Variants in THAP4 observed in about 807,000 individuals in gnomAD.
THAP4 encodes peroxynitrite isomerase THAP4.
A neutral mutation model predicts 48.1 loss-of-function variants in THAP4; 18 were observed. The observed-to-expected ratio is 0.37, with a 90% confidence interval of 0.26 to 0.56. THAP4 has a LOEUF of 0.56. Among genes scored for constraint, THAP4 ranks in the 20% least tolerant of loss-of-function variants. THAP4 has a pLI of 0.78. For missense variants in THAP4, 656 were observed against 774.9 expected, an observed-to-expected ratio of 0.85 and a Z score of 1.82; for synonymous variants, 345 against 324.9, an observed-to-expected ratio of 1.06 and a Z score of -0.66.
At position 241,593,675 on chromosome 2, in the gene THAP4, C is replaced by T. The variant is rs990420030; in HGVS notation, c.1614+8221G>A. Among the ~76,000 whole-genome samples the T allele has an allele frequency of 3.3e-5, 5 of 152,260 alleles. No individual in the cohort carries two copies. In the East Asian group the frequency reaches 9.6e-4, roughly 29 times the overall value. On this transcript the variant is annotated intron_variant, in intron 5 of 5. Transcript: ENST00000407315. ...TTTGCTTGAAAATGTGTTTCAGAGG[C>T]AATTCAGTATTATTTCATGTATTTA... is the stretch of plus-strand genomic sequence containing the variant.
intron 2 of THAP4, among the ~76,000 whole-genome samples, chr2:241,627,996 C>T (rs2125096486): frequency 6.6e-6 from 1 of 152,256 alleles, no homozygotes; most frequent in South Asian, 2.1e-4. Flanking sequence ...CACTTCACGG[C>T]CAAACCTGGC....
In THAP4 at chr2:241,636,968, C is replaced by A; in HGVS notation, c.50G>T (p.Gly17Val). The change falls in exon 1 of 6, where the codon GGC (glycine) becomes GTC (valine). Residue 17 changes from glycine to valine, a missense_variant. By Grantham distance (109) the Gly-to-Val change is moderately radical. Coordinates refer to ENST00000407315, the MANE Select transcript of THAP4 (RefSeq NM_015963.6). ...AVNCSNRQGK[G>V]EKRAVSFHRF... ...GTGGAAGGAGACGGCGCGCTTCTCGCCCTTTCCCTGCCGGTTGGAGCAGTT... is the reference window on the plus strand; with the variant it reads ...GTGGAAGGAGACGGCGCGCTTCTCGACCTTTCCCTGCCGGTTGGAGCAGTT... 7.6e-7 allele frequency: 1 copy of A among 1,319,380 alleles called. No homozygotes were observed. Among genetic ancestry groups the A allele is most frequent in the Non-Finnish European group, 9.9e-7 (1 of 1,011,188 alleles). 81.7% of individuals were successfully genotyped at this position (1,319,380 alleles called of 1,614,324 possible). A position where few individuals can be genotyped will look rare whatever the true frequency, so the allele number is the denominator to read the frequency against.
intron 2 of THAP4, among the ~76,000 whole-genome samples, chr2:241,611,470 C>A (rs1055037472): frequency 6.6e-6 from 1 of 152,166 alleles, no homozygotes; most frequent in Non-Finnish European, 1.5e-5. Context: ...CGCCTATAAT[C>A]CCAGCACTTT....
At chr2:241,627,511 C>G (rs1395857453) in intron 2 of THAP4, among the ~76,000 whole-genome samples, 1 of 152,246 alleles carries the variant, frequency 6.6e-6, no homozygotes, top group African/African-American at 2.4e-5. Flanking sequence ...CGCCACCGGG[C>G]ACTGCCTCTG....
At position 241,636,950 on chromosome 2, in the gene THAP4, G is replaced by A; in HGVS notation, c.68C>T (p.Ser23Phe). ...RQGKGEKRAVSFHRFPLKDSK... is the reference protein window; with the variant it reads ...RQGKGEKRAVFFHRFPLKDSK... The stretch of plus-strand genomic sequence containing the variant: ...CCCGGGGCCCGCGTACCTGTGGAAG[G>A]AGACGGCGCGCTTCTCGCCCTTTCC... Residue 23 changes from serine (S) to phenylalanine (F), a missense_variant, in exon 1 of 6, where the codon TCC becomes TTC. Physicochemically the swap from Ser to Phe is radical, Grantham distance 155. Transcript: ENST00000407315. The A allele has an allele frequency of 7.7e-7, 1 of 1,299,264 alleles. No individual in the cohort carries two copies. Among genetic ancestry groups the A allele is most frequent in the Non-Finnish European group, 1.0e-6 (1 of 999,924 alleles). 80.5% of individuals were successfully genotyped at this position (1,299,264 alleles called of 1,614,324 possible).
intron 2 of THAP4, among the ~76,000 whole-genome samples, chr2:241,613,597 T>C (rs1032918846): frequency 1.7e-4 from 26 of 151,684 alleles, no homozygotes; most frequent in African/African-American, 6.3e-4. Flanking sequence ...CTACCAGAAC[T>C]ACAAAAAATT....
chr2:241,610,297 C>T lies in THAP4; in HGVS notation c.1241-3824G>A, dbSNP rs1377877662. ...CGGCCCCGCCCCGGAAGCGCAGCCC[C>T]GCCTCAGGCGCCGCATCTCCGCCCT... On this transcript the variant is annotated intron_variant, in intron 2 of 5. Coordinates refer to ENST00000407315, the MANE Select transcript of THAP4 (RefSeq NM_015963.6). This position sits in a 1 kb window ranked among gnomAD's most constrained non-coding sequence, Gnocchi z 4.2. Among the ~76,000 whole-genome samples, 4 of 152,128 alleles carry T rather than the reference C, an allele frequency of 2.6e-5. No individual in the cohort carries two copies. The highest frequency in any genetic ancestry group is 6.5e-5 in the Admixed American group (1 of 15,272).
At chr2:241,634,133 A>G in intron 1 of THAP4, 54 bp from the exon 2 acceptor site, 1 of 1,363,920 alleles carries the variant, frequency 7.3e-7, no homozygotes, top group South Asian at 1.5e-5. Flanking sequence ...CTCCCCTTAA[A>G]ATAATCAACT....
rs772229179 is a variant in THAP4, at chr2:241,612,877, GCTCA to G, written c.1241-6408_1241-6405del. Among the ~76,000 whole-genome samples the G allele has an allele frequency of 3.9e-5, 6 of 152,228 alleles. No homozygotes were observed. Among genetic ancestry groups the G allele is most frequent in the Non-Finnish European group, 7.3e-5 (5 of 68,044 alleles). ...TTCCAGATTGCAGGCGCGTGAGCTGGCTCACTGACACGTGCAGTGAGTGCGAGCT... is the reference window on the plus strand; with the variant it reads ...TTCCAGATTGCAGGCGCGTGAGCTGGCTGACACGTGCAGTGAGTGCGAGCT... On this transcript the variant is annotated intron_variant, in intron 2 of 5. Transcript: ENST00000407315. This position sits in a 1 kb window ranked among gnomAD's most constrained non-coding sequence, Gnocchi z 4.1.
chr2:241,625,811 A>G (rs1223630842), intron 2 of THAP4, among the ~76,000 whole-genome samples: 3 of 147,732 alleles, frequency 2.0e-5, no homozygotes, highest in African/African-American at 5.1e-5. Flanking sequence ...AAAAAAAAAA[A>G]AAAAAAAAAA....
intron 2 of THAP4, among the ~76,000 whole-genome samples, chr2:241,608,201 C>T (rs1440430897): frequency 6.6e-6 from 1 of 152,154 alleles, no homozygotes; most frequent in Non-Finnish European, 1.5e-5. Flanking sequence ...AGGAGGGCCG[C>T]ACATGTGGCC....
intron 1 of THAP4, among the ~76,000 whole-genome samples, chr2:241,634,982 C>G (rs1384989596): frequency 6.6e-6 from 1 of 152,180 alleles, no homozygotes; most frequent in East Asian, 1.9e-4. Flanking sequence ...TTCCCAGAGC[C>G]TAGGGAGAGG....
intron 2 of THAP4, among the ~76,000 whole-genome samples, chr2:241,627,559 C>T (rs1372017273): frequency 2.0e-5 from 3 of 152,202 alleles, no homozygotes; most frequent in African/African-American, 4.8e-5. Context: ...CCCACTGGCC[C>T]GCATCCTTCA....
At chr2:241,615,491 T>C (rs1013947498) in intron 2 of THAP4, among the ~76,000 whole-genome samples, 2 of 152,008 alleles carry the variant, frequency 1.3e-5, no homozygotes, top group African/African-American at 4.8e-5. Context: ...TGGTGGGGAG[T>C]GAGGTCGGCC....
At chr2:241,597,492 A>C (rs2067063888) in intron 5 of THAP4, among the ~76,000 whole-genome samples, 1 of 152,210 alleles carries the variant, frequency 6.6e-6, no homozygotes, top group Admixed American at 6.5e-5. Context: ...CAAGGAAGAC[A>C]CATTTCCCCC....
chr2:241,627,830 C>T (rs1031054305), intron 2 of THAP4, among the ~76,000 whole-genome samples: 4 of 152,194 alleles, frequency 2.6e-5, no homozygotes, highest in East Asian at 1.9e-4. Context: ...CATGCCCAGC[C>T]GTGGCCTGGC....
At chr2:241,605,640 G>C (rs1178948689) in intron 3 of THAP4, among the ~76,000 whole-genome samples, 2 of 152,114 alleles carry the variant, frequency 1.3e-5, no homozygotes, top group Non-Finnish European at 2.9e-5. Flanking sequence ...CAGCTTCCTT[G>C]TGACCCCAAA....
Position 241,612,153 on chromosome 2 carries a change from G to GA in THAP4, c.1241-5681dup, listed in dbSNP as rs1465546017. On this transcript the variant is annotated intron_variant, in intron 2 of 5. Coordinates refer to ENST00000407315, the MANE Select transcript of THAP4 (RefSeq NM_015963.6). The surrounding 1 kb of genome is among the most constrained non-coding windows in gnomAD (Gnocchi z 4.1). ...CCTGGCAGAAGTCGAGAAAGTAAAA[G>GA]AAAAAAAATCAAGCCACCACCCAAA... is the stretch of plus-strand genomic sequence containing the variant. Among the ~76,000 whole-genome samples the GA allele has an allele frequency of 1.3e-5, 2 of 151,458 alleles. No individual in the cohort carries two copies. Among genetic ancestry groups the GA allele is most frequent in the Non-Finnish European group, 2.9e-5 (2 of 67,876 alleles).
At chr2:241,600,032 C>T (rs1315811001) in intron 5 of THAP4, among the ~76,000 whole-genome samples, 1 of 151,916 alleles carries the variant, frequency 6.6e-6, no homozygotes, top group Non-Finnish European at 1.5e-5. Flanking sequence ...AACATGGCTA[C>T]TAAAAATACA....
Sources: gnomAD v4.1 joint callset for allele counts (sites outside exome capture counted in the v4.1 genomes callset) on GRCh38, gnomAD v4.1.1 for gene constraint, Gnocchi (gnomAD v3.1) non-coding constraint, MANE v1.5 for transcripts, NCBI Gene and HGNC (gene_info 2026-07-23, HGNC 2026-07-21) for gene names.